Variants in FAM200C observed in about 807,000 individuals in gnomAD.
chr5:160,398,057 C>T, the FAM200C span, among the ~76,000 whole-genome samples: 2 of 152,180 alleles, frequency 1.3e-5, no homozygotes, highest in African/African-American at 4.8e-5. Context: ...GCCAGGCCAA[C>T]ATAGTGAAAC....
chr5:160,395,642 C>A, the FAM200C span: 1 of 674,852 alleles, frequency 1.5e-6, no homozygotes, highest in East Asian at 2.6e-5. Flanking sequence ...ATACAGCCTG[C>A]AGCATGTCAA....
the FAM200C span, chr5:160,397,355 GA>G: frequency 5.3e-5 from 8 of 152,146 alleles, no homozygotes; most frequent in African/African-American, 1.7e-4. Context: ...TATGAAAGTT[GA>G]AACCTAAAAT....
chr5:160,397,330 T>C, the FAM200C span: 1 of 152,190 alleles, frequency 6.6e-6, no homozygotes, highest in East Asian at 1.9e-4. Flanking sequence ...ATTTTCTGAG[T>C]TGATGACAGC....
At chr5:160,396,739 G>A in the FAM200C span, among the ~76,000 whole-genome samples, 1 of 150,326 alleles carries the variant, frequency 6.7e-6, no homozygotes, top group Admixed American at 6.6e-5. Context: ...ACTTGCTCAG[G>A]GGAAACACAA....
At chr5:160,394,780 A>C in the FAM200C span, 1 of 1,614,052 alleles carries the variant, frequency 6.2e-7, no homozygotes, top group Non-Finnish European at 8.5e-7. Flanking sequence ...AAACAGAGCC[A>C]CATACATCAA....
At chr5:160,393,897 G>C in the FAM200C span, 1 of 1,614,106 alleles carries the variant, frequency 6.2e-7, no homozygotes, top group Non-Finnish European at 8.5e-7. Context: ...AGGATTTCTA[G>C]AGCTGTCTTT....
the FAM200C span, among the ~76,000 whole-genome samples, chr5:160,399,447 G>A: frequency 6.6e-6 from 1 of 152,220 alleles, no homozygotes; most frequent in African/African-American, 2.4e-5. Flanking sequence ...CATGATAGGC[G>A]CAGGTGTCTG....
the FAM200C span, chr5:160,399,992 G>A: frequency 3.5e-3 from 540 of 152,448 alleles, 1 homozygote; most frequent in African/African-American, 0.012. Flanking sequence ...CGGTGCGCCT[G>A]GAGAGAGAAG....
chr5:160,394,035 C>T, the FAM200C span: 4 of 1,611,564 alleles, frequency 2.5e-6, no homozygotes, highest in African/African-American at 4.0e-5. Context: ...TAACTATCAT[C>T]AACAAAATCG....
At chr5:160,395,495 C>T in the FAM200C span, 1 of 1,611,184 alleles carries the variant, frequency 6.2e-7, no homozygotes, top group Non-Finnish European at 8.5e-7. Flanking sequence ...CGACATGGCA[C>T]ACAAAAATTC....
chr5:160,394,755 A>C, the FAM200C span: 1 of 1,614,090 alleles, frequency 6.2e-7, no homozygotes, highest in Non-Finnish European at 8.5e-7. Flanking sequence ...AGCATAGAGG[A>C]GGCACCATCA....
At chr5:160,400,022 C>T in the FAM200C span, 1 of 152,312 alleles carries the variant, frequency 6.6e-6, no homozygotes. Context: ...CAACCTCCGC[C>T]TCAGCCAGGC....
At chr5:160,398,031 C>T in the FAM200C span, among the ~76,000 whole-genome samples, 1 of 152,196 alleles carries the variant, frequency 6.6e-6, no homozygotes, top group Non-Finnish European at 1.5e-5. Flanking sequence ...CACTTGAGGT[C>T]AGGAGTTCCA....
the FAM200C span, among the ~76,000 whole-genome samples, chr5:160,397,868 T>C: frequency 6.6e-6 from 1 of 152,388 alleles, no homozygotes; most frequent in Non-Finnish European, 1.5e-5. Context: ...TTTTTCTGTA[T>C]TCTATTAATG....
the FAM200C span, chr5:160,395,273 G>C: frequency 6.2e-7 from 1 of 1,614,098 alleles, no homozygotes. Context: ...ACTCTGATCA[G>C]ATGGTGCTGG....
chr5:160,396,629 G>A, the FAM200C span, among the ~76,000 whole-genome samples: 2 of 143,822 alleles, frequency 1.4e-5, no homozygotes, highest in Admixed American at 1.4e-4. Context: ...GCATACGCCT[G>A]TAGTCCCAGC....
At chr5:160,394,305 T>A in the FAM200C span, 1 of 1,613,614 alleles carries the variant, frequency 6.2e-7, no homozygotes, top group Non-Finnish European at 8.5e-7. Context: ...ACTGTGTTCA[T>A]CCCAGTCCTC....
the FAM200C span, chr5:160,394,005 C>A: frequency 6.2e-7 from 1 of 1,613,150 alleles, no homozygotes; most frequent in South Asian, 1.1e-5. Flanking sequence ...CGTAATTCAG[C>A]AAGATCATTT....
chr5:160,395,829 T>C, the FAM200C span, among the ~76,000 whole-genome samples: 3 of 152,226 alleles, frequency 2.0e-5, no homozygotes, highest in African/African-American at 7.2e-5. Context: ...TTGTTTTCAA[T>C]AATGTATGTT....
Sources: gnomAD v4.1 joint callset for allele counts (sites outside exome capture counted in the v4.1 genomes callset) on GRCh38, gnomAD v4.1.1 for gene constraint, MANE v1.5 for transcripts.